The following ZFP41 variants were observed in gnomAD, a reference collection of about 807,000 sequenced individuals.
ZFP41 encodes ZFP41 zinc finger protein, also known as zinc finger protein 41 homolog.
Under a neutral mutation model 11.6 loss-of-function variants are expected in ZFP41, and 10 were observed. That is an observed-to-expected ratio of 0.86 (90% CI 0.53 to 1.47). ZFP41 has a LOEUF of 1.47. ZFP41 is among the 40% of genes most tolerant of loss of function. ZFP41 has a pLI of 0.00. For synonymous variants in ZFP41, 123 were observed against 100.9 expected, an observed-to-expected ratio of 1.22 and a Z score of -1.31; for missense variants, 302 against 264.6, an observed-to-expected ratio of 1.14 and a Z score of -0.98.
At chr8:143,259,639 G>C (rs1281943245) in intron 2 of ZFP41, 136 bp from the exon 3 acceptor site, 1 of 149,280 alleles carries the variant, frequency 6.7e-6, no homozygotes, top group East Asian at 1.9e-4. Flanking sequence ...GGCCTCCGTT[G>C]CCCACAGGTG....
intron 1 of ZFP41, chr8:143,247,803 G>C (rs1816721350): frequency 6.6e-6 from 1 of 152,264 alleles, no homozygotes; most frequent in African/African-American, 2.4e-5. Flanking sequence ...TTGCGTGTGG[G>C]GTTTTTTGTT....
rs115572057 is a variant in ZFP41 at position 143,262,071 on chromosome 8, C to T, written c.*3197C>T. The T allele has an allele frequency of 0.017, 3,030 of 182,014 alleles. 112 individuals are homozygous for T. The highest frequency in any genetic ancestry group is 0.073 in the African/African-American group (2,871 of 39,536). 11.3% of individuals were successfully genotyped at this position (182,014 alleles called of 1,614,324 possible). A position where few individuals can be genotyped will look rare whatever the true frequency, so the allele number is the denominator to read the frequency against. The stretch of plus-strand genomic sequence containing the variant: ...GTCTCCGGCAGCCCCTGCCCGCGCC[C>T]GCACCTCTGCACCTCCCACGCCCCT... On this transcript the variant is annotated 3_prime_UTR_variant, in exon 3 of 3. Transcript: ENST00000330701.
rs1030102296 is a variant in ZFP41, at chr8:143,249,694, A to G, written c.-150A>G. On this transcript the variant is annotated 5_prime_UTR_variant, in exon 2 of 3. Transcript: ENST00000330701. ...CATGTTCTTGCTTCTCCCCAGCACC[A>G]AGAGGATGGTGGCCCTTGGCCTCCT... is the stretch of plus-strand genomic sequence containing the variant. 8.5e-6 allele frequency: 11 copies of G among 1,297,222 alleles called. No individual in the cohort carries two copies. In the Admixed American group the frequency reaches 2.6e-4, roughly 31 times the overall value. 80.4% of individuals were successfully genotyped at this position (1,297,222 alleles called of 1,614,324 possible).
intron 2 of ZFP41, among the ~76,000 whole-genome samples, chr8:143,255,070 C>T (rs1384708851): frequency 6.6e-6 from 1 of 152,208 alleles, no homozygotes; most frequent in Non-Finnish European, 1.5e-5. Context: ...ACAGAGACGC[C>T]TGCAGCAGCG....
In ZFP41 at chr8:143,250,644, T is replaced by C; in HGVS notation, c.*204T>C. 1 of 795,014 alleles carries C rather than the reference T, an allele frequency of 1.3e-6. No individual in the cohort carries two copies. The highest frequency in any genetic ancestry group is 2.0e-6 in the Non-Finnish European group (1 of 506,200). The allele number at this position is 795,014 out of a possible 1,614,324, so 49.2% of individuals were successfully genotyped here. On this transcript the variant is annotated 3_prime_UTR_variant, in exon 2 of 3. Coordinates refer to ENST00000330701, the MANE Select transcript of ZFP41 (RefSeq NM_173832.6). Reference sequence around the variant, plus strand: ...ACCTTTCCACTGCAGAGAGTCTCTCTGATCAAGACACCGCAGTGATGGAGA... The same window carrying C: ...ACCTTTCCACTGCAGAGAGTCTCTCCGATCAAGACACCGCAGTGATGGAGA...
chr8:143,251,633 G>A (rs1340903838), intron 2 of ZFP41, among the ~76,000 whole-genome samples: 1 of 152,232 alleles, frequency 6.6e-6, no homozygotes, highest in African/African-American at 2.4e-5. Flanking sequence ...GCTGGAGATG[G>A]CCTTGGCCTT....
Position 143,250,310 on chromosome 8 carries a change from C to T in ZFP41, c.467C>T (p.Ser156Phe), listed in dbSNP as rs374441094. ...GECGKAFNCG[S>F]NLLKHQKTHT... ...TGCGGGAAAGCCTTTAACTGCGGCT[C>T]CAATCTCCTGAAACATCAGAAGACG... The change falls in exon 2 of 3, where the codon TCC becomes TTC. Residue 156 changes from serine (S) to phenylalanine (F), a missense_variant. Ser to Phe is a radical substitution (Grantham distance 155). Transcript: ENST00000330701. The T allele has an allele frequency of 4.3e-6, 7 of 1,613,930 alleles. No individual in the cohort carries two copies. The highest frequency in any genetic ancestry group is 3.3e-5 in the Admixed American group (2 of 60,008).
chr8:143,258,594 C>G (rs1814965486), intron 2 of ZFP41, among the ~76,000 whole-genome samples: 1 of 152,190 alleles, frequency 6.6e-6, no homozygotes, highest in Non-Finnish European at 1.5e-5. Flanking sequence ...GACAAATGTT[C>G]AGAATATGTG....
chr8:143,258,384 G>C (rs992226950), intron 2 of ZFP41, among the ~76,000 whole-genome samples: 16 of 152,148 alleles, frequency 1.1e-4, no homozygotes, highest in Admixed American at 2.6e-4. Flanking sequence ...CCCTTCCTGT[G>C]ACTGAGAGAG....
At chr8:143,253,098 CTT>C (rs1244809144) in intron 2 of ZFP41, 1 of 152,126 alleles carries the variant, frequency 6.6e-6, no homozygotes, top group East Asian at 1.9e-4. Flanking sequence ...CTTTGAAGGA[CTT>C]TGCTGGGACG....
rs1421237584 is a variant in ZFP41 at position 143,262,035 on chromosome 8, C to A, written c.*3161C>A. Reference sequence around the variant, plus strand: ...CGGCAGCCCCTGCCTGCACCCGCACCCCTCACGGCTGTCTCCGGCAGCCCC... The same window carrying A: ...CGGCAGCCCCTGCCTGCACCCGCACACCTCACGGCTGTCTCCGGCAGCCCC... On this transcript the variant is annotated 3_prime_UTR_variant, in exon 3 of 3. Coordinates refer to ENST00000330701, the MANE Select transcript of ZFP41 (RefSeq NM_173832.6). The A allele has an allele frequency of 1.0e-5, 2 of 200,062 alleles. No individual in the cohort carries two copies. The highest frequency in any genetic ancestry group is 2.0e-5 in the Non-Finnish European group (2 of 99,312). 12.4% of individuals were successfully genotyped at this position (200,062 alleles called of 1,614,324 possible). A position where few individuals can be genotyped will look rare whatever the true frequency, so the allele number is the denominator to read the frequency against.
chr8:143,249,849 G>C lies in ZFP41; in HGVS notation c.6G>C (p.Glu2Asp), dbSNP rs368146495. Residue 2 changes from glutamate (E) to aspartate (D), a missense_variant, in exon 2 of 3, where the codon GAG (glutamate) becomes GAC (aspartate). By Grantham distance (45) the Glu-to-Asp change is conservative. Coordinates refer to ENST00000330701, the MANE Select transcript of ZFP41 (RefSeq NM_173832.6). M[E>D]KPAGRKKKTP... is the part of the protein sequence containing the mutation. Reference sequence around the variant, plus strand: ...CGCTTCCAAGGAACAGAATGATGGAGAAGCCTGCAGGCAGAAAAAAGAAGA... The same window carrying C: ...CGCTTCCAAGGAACAGAATGATGGACAAGCCTGCAGGCAGAAAAAAGAAGA... 3.1e-6 allele frequency: 5 copies of C among 1,591,302 alleles called. No individual in the cohort carries two copies. The South Asian group carries it at 3.4e-5, about 11-fold the overall frequency.
At chr8:143,248,687 C>G (rs1279605493) in intron 1 of ZFP41, among the ~76,000 whole-genome samples, 1 of 57,734 alleles carries the variant, frequency 1.7e-5, no homozygotes, top group African/African-American at 3.6e-5. Context: ...GGCACCAGGG[C>G]CCACCCCCTG....
Position 143,261,735 on chromosome 8 carries a change from G to A in ZFP41, c.*2861G>A, listed in dbSNP as rs1021860480. On this transcript the variant is annotated 3_prime_UTR_variant, in exon 3 of 3. Transcript: ENST00000330701. ...TGGCCTGACGGGGGTTCCTGGACACGCCTCTGAGCCGGCAGCCCCTACCCG... is the reference window on the plus strand; with the variant it reads ...TGGCCTGACGGGGGTTCCTGGACACACCTCTGAGCCGGCAGCCCCTACCCG... The A allele has an allele frequency of 7.0e-5, 13 of 186,638 alleles. No individual in the cohort carries two copies. The East Asian group carries it at 1.1e-3, about 16-fold the overall frequency. 11.6% of individuals were successfully genotyped at this position (186,638 alleles called of 1,614,324 possible). A position where few individuals can be genotyped will look rare whatever the true frequency, so the allele number is the denominator to read the frequency against.
chr8:143,254,960 A>G (rs1163395613), intron 2 of ZFP41, among the ~76,000 whole-genome samples: 1 of 152,182 alleles, frequency 6.6e-6, no homozygotes. Flanking sequence ...GTTATTATAA[A>G]TAATGCCACA....
At chr8:143,259,224 T>C (rs559905556) in intron 2 of ZFP41, among the ~76,000 whole-genome samples, 30 of 152,214 alleles carry the variant, frequency 2.0e-4, no homozygotes, top group African/African-American at 6.5e-4. Flanking sequence ...GAGCAGAGAA[T>C]GTAAGGCACA....
At position 143,250,205 on chromosome 8, in the gene ZFP41, G is replaced by T. The variant is rs752962566; in HGVS notation, c.362G>T (p.Gly121Val). 1 of 1,614,062 alleles carries T rather than the reference G, an allele frequency of 6.2e-7. No homozygotes were observed. The highest frequency in any genetic ancestry group is 8.5e-7 in the Non-Finnish European group (1 of 1,180,024). ...GEKPFKCAQCGKAFRHSSDVT... is the reference protein window; with the variant it reads ...GEKPFKCAQCVKAFRHSSDVT... Reference sequence around the variant, plus strand: ...AAGCCCTTCAAGTGTGCGCAGTGCGGGAAGGCCTTCCGGCACAGCTCTGAC... The same window carrying T: ...AAGCCCTTCAAGTGTGCGCAGTGCGTGAAGGCCTTCCGGCACAGCTCTGAC... The change falls in exon 2 of 3, where the codon GGG (glycine) becomes GTG (valine). Residue 121 changes from glycine to valine, a missense_variant. Coordinates refer to ENST00000330701, the MANE Select transcript of ZFP41 (RefSeq NM_173832.6).
At chr8:143,258,190 G>A (rs961544872) in intron 2 of ZFP41, among the ~76,000 whole-genome samples, 35 of 152,310 alleles carry the variant, frequency 2.3e-4, no homozygotes, top group African/African-American at 7.2e-4. Context: ...GTATGGTGGC[G>A]TGCGCCTGTG....
chr8:143,261,419 G>T lies in ZFP41; in HGVS notation c.*2545G>T. 6.6e-6 allele frequency: 1 copy of T among 152,654 alleles called. No individual in the cohort carries two copies. The highest frequency in any genetic ancestry group is 1.5e-5 in the Non-Finnish European group (1 of 68,280). The allele number at this position is 152,654 out of a possible 1,614,324, so 9.5% of individuals were successfully genotyped here. A position where few individuals can be genotyped will look rare whatever the true frequency, so the allele number is the denominator to read the frequency against. On this transcript the variant is annotated 3_prime_UTR_variant, in exon 3 of 3. Coordinates refer to ENST00000330701, the MANE Select transcript of ZFP41 (RefSeq NM_173832.6). ...CTGAGAAGCCGGGGCAGGGCAGGGT[G>T]TCTCTGAGGTCAATGAGGAACAGCT...
Sources: allele counts gnomAD v4.1 joint callset (sites outside exome capture counted in the v4.1 genomes callset), GRCh38; gene constraint gnomAD v4.1.1; transcripts MANE v1.5; gene names NCBI Gene and HGNC (gene_info 2026-07-23, HGNC 2026-07-21).